The following CPB2 variants were observed in gnomAD, a reference collection of about 807,000 sequenced individuals.
CPB2 encodes the protein carboxypeptidase B-like protein.
CPB2 carries 54 observed loss-of-function variants against 57.0 expected under a neutral mutation model. The ratio of observed to expected loss-of-function variants is 0.95; its 90% CI spans 0.76 to 1.19. The LOEUF (loss-of-function observed/expected upper bound fraction) is 1.19. CPB2 is among the 50% of genes most tolerant of loss of function. The pLI is 0.00. For missense variants in CPB2, 426 were observed against 512.0 expected, an observed-to-expected ratio of 0.83 and a Z score of 1.62; for synonymous variants, 189 against 178.1, an observed-to-expected ratio of 1.06 and a Z score of -0.49.
Position 46,053,783 on chromosome 13 carries a change from C to T in CPB2, c.1103G>A (p.Gly368Asp). The T allele has an allele frequency of 6.2e-7, 1 of 1,613,792 alleles. No individual in the cohort carries two copies. ...GSETLYLAPG[G>D]GDDWIYDLGI... is the part of the protein sequence containing the mutation. ...CAAATCATAGATCCAATCGTCCCCACCTCCAGGAGCTAGGTCTAAAAGAAG... is the reference window on the plus strand; with the variant it reads ...CAAATCATAGATCCAATCGTCCCCATCTCCAGGAGCTAGGTCTAAAAGAAG... Residue 368 changes from glycine (G) to aspartate (D), a missense_variant, in exon 11 of 11, where the codon GGT (glycine) becomes GAT (aspartate). Gly to Asp is a moderately conservative substitution (Grantham distance 94). Coordinates refer to ENST00000181383, the MANE Select transcript of CPB2 (RefSeq NM_001872.5).
chr13:46,103,601 T>C (rs991507328), intron 1 of CPB2, among the ~76,000 whole-genome samples: 1 of 152,208 alleles, frequency 6.6e-6, no homozygotes, highest in Non-Finnish European at 1.5e-5. Context: ...CATGTAGGAT[T>C]TTATGCATTT....
At position 46,084,269 on chromosome 13, in the gene CPB2, A is replaced by T; in HGVS notation, c.225T>A (p.Ser75=). Residue 75 remains serine (S), a synonymous_variant, in exon 3 of 11, where the codon TCT becomes TCA. Transcript: ENST00000181383. ...AATGGGCTTTCACATTGTCGACATC[A>T]GATGCATTTACAAAAAAATGGACTT... ...KKQVHFFVNA[S]DVDNVKAHLN... 6.2e-7 allele frequency: 1 copy of T among 1,614,214 alleles called. No homozygotes were observed. Among genetic ancestry groups the T allele is most frequent in the Non-Finnish European group, 8.5e-7 (1 of 1,180,030 alleles).
At position 46,082,465 on chromosome 13, in the gene CPB2, A is replaced by T; in HGVS notation, c.360T>A (p.Tyr120Ter). 3 of 1,612,468 alleles carry T rather than the reference A, an allele frequency of 1.9e-6. No homozygotes were observed. The highest frequency in any genetic ancestry group is 2.5e-6 in the Non-Finnish European group (3 of 1,178,636). Residue 120 changes from tyrosine to a stop codon, truncating the protein, a stop_gained, in exon 4 of 11, where the codon TAT becomes TAA. Coordinates refer to ENST00000181383, the MANE Select transcript of CPB2 (RefSeq NM_001872.5). LOFTEE classifies it high-confidence loss of function. ...TVSPRASASY[Y>*]EQYHSLNEIY... ...CTTCATTTAGTGAGTGATACTGTTC[A>T]TAGTACGATGCGGAGGCTCGGGGGC...
At position 46,087,780 on chromosome 13, in the gene CPB2, C is replaced by G. The variant is rs1470636533; in HGVS notation, c.115G>C (p.Val39Leu). 5 of 1,611,224 alleles carry G rather than the reference C, an allele frequency of 3.1e-6. No homozygotes were observed. Among genetic ancestry groups the G allele is most frequent in the Non-Finnish European group, 4.2e-6 (5 of 1,178,978 alleles). The change falls in exon 2 of 11, where the codon GTT becomes CTT. Residue 39 changes from valine (V) to leucine (L), a missense_variant. Physicochemically the swap from Val to Leu is conservative, Grantham distance 32. Transcript: ENST00000181383. ...LAALPRTSRQ[V>L]QVLQNLTTTY... ...GTAGTAAGATTCTGTAGAACTTGAA[C>G]TTGCCTAGAGGTTCTAGGAAGAGCA...
chr13:46,073,525 G>C, intron 6 of CPB2: 1 of 964,868 alleles, frequency 1.0e-6, no homozygotes, highest in Non-Finnish European at 1.2e-6. Flanking sequence ...AACCAAAAGA[G>C]AAATAAATTA....
At chr13:46,098,954 T>C (rs2045400620) in intron 1 of CPB2, 1 of 152,204 alleles carries the variant, frequency 6.6e-6, no homozygotes, top group Non-Finnish European at 1.5e-5. Context: ...CTGATACAAA[T>C]GCCTATTCTG....
intron 3 of CPB2, 67 bp from the exon 4 acceptor site, chr13:46,082,616 G>T: frequency 1.1e-6 from 1 of 907,754 alleles, no homozygotes; most frequent in Non-Finnish European, 1.8e-6. Flanking sequence ...ATGGCCCATT[G>T]CAGGCACAGC....
chr13:46,091,115 C>T (rs992324564), intron 1 of CPB2, among the ~76,000 whole-genome samples: 7 of 152,056 alleles, frequency 4.6e-5, no homozygotes, highest in African/African-American at 1.7e-4. Flanking sequence ...CTCTTTTTTG[C>T]TAAGATATAG....
intron 1 of CPB2, among the ~76,000 whole-genome samples, chr13:46,101,951 C>T (rs2045439692): frequency 6.6e-6 from 1 of 152,224 alleles, no homozygotes; most frequent in Admixed American, 6.5e-5. Flanking sequence ...ATTTAAAAAG[C>T]TGGCAAGATG....
chr13:46,058,716 T>G (rs568934925), intron 8 of CPB2, among the ~76,000 whole-genome samples: 1 of 152,304 alleles, frequency 6.6e-6, no homozygotes, highest in Admixed American at 6.5e-5. Context: ...CTTAATCCAC[T>G]GTAAATTTAG....
At chr13:46,090,837 C>A (rs898265742) in intron 1 of CPB2, among the ~76,000 whole-genome samples, 12 of 151,016 alleles carry the variant, frequency 7.9e-5, no homozygotes, top group African/African-American at 2.7e-4. Flanking sequence ...GATTTTCCTG[C>A]CTCAAGCCTC....
At chr13:46,090,918 G>T (rs1008046790) in intron 1 of CPB2, among the ~76,000 whole-genome samples, 2 of 150,572 alleles carry the variant, frequency 1.3e-5, no homozygotes, top group African/African-American at 4.9e-5. Flanking sequence ...TAGAGACTGG[G>T]TTTCACTATG....
At chr13:46,090,203 A>G (rs1490416008) in intron 1 of CPB2, among the ~76,000 whole-genome samples, 1 of 151,630 alleles carries the variant, frequency 6.6e-6, no homozygotes. Context: ...GCTTTTTCAC[A>G]TAATTTTTAA....
Position 46,058,168 on chromosome 13 carries a change from G to A in CPB2, c.999+11C>T, listed in dbSNP as rs199700759. On this transcript the variant is annotated intron_variant, in intron 9 of 10. Transcript: ENST00000181383. Reference sequence around the variant, plus strand: ...AAATGCTAATGAGAAAAATAATTAAGTAGCACTTACCAGTTCCTCATGGTC... The same window carrying A: ...AAATGCTAATGAGAAAAATAATTAAATAGCACTTACCAGTTCCTCATGGTC... The A allele has an allele frequency of 1.9e-5, 30 of 1,598,874 alleles. No homozygotes were observed. The East Asian group carries it at 4.5e-4, about 24-fold the overall frequency.
intron 1 of CPB2, chr13:46,097,037 G>A (rs1441620628): frequency 6.6e-6 from 1 of 152,212 alleles, no homozygotes; most frequent in East Asian, 1.9e-4. Context: ...TGGAGAAAGG[G>A]GGATGTGAAT....
At chr13:46,074,082 G>A in intron 5 of CPB2, 105 bp from the exon 6 acceptor site, 1 of 566,778 alleles carries the variant, frequency 1.8e-6, no homozygotes, top group South Asian at 3.4e-5. Context: ...GCAAATCTCT[G>A]AGATATGCAT....
At chr13:46,067,768 C>A (rs1411787557) in intron 6 of CPB2, among the ~76,000 whole-genome samples, 1 of 152,178 alleles carries the variant, frequency 6.6e-6, no homozygotes, top group Non-Finnish European at 1.5e-5. Context: ...TTCTGTAATT[C>A]ATGTTCATCA....
chr13:46,070,378 G>T lies in CPB2; in HGVS notation c.592-2961C>A, dbSNP rs568297771. Among the ~76,000 whole-genome samples, 6 of 152,248 alleles carry T rather than the reference G, an allele frequency of 3.9e-5. No individual in the cohort carries two copies. The South Asian group carries it at 1.2e-3, about 32-fold the overall frequency. ...CCCCACCATAAATTGAGAAGCCTCT[G>T]TATAAAAGAAAAAGAAGATGAGAAT... On this transcript the variant is annotated intron_variant, in intron 6 of 10. Coordinates refer to ENST00000181383, the MANE Select transcript of CPB2 (RefSeq NM_001872.5).
At chr13:46,086,167 G>A (rs1299226058) in intron 2 of CPB2, among the ~76,000 whole-genome samples, 1 of 152,130 alleles carries the variant, frequency 6.6e-6, no homozygotes, top group Non-Finnish European at 1.5e-5. Context: ...CCTGCCTCGG[G>A]GAGTTCTTAG....
Sources: allele counts gnomAD v4.1 joint callset (sites outside exome capture counted in the v4.1 genomes callset), GRCh38; gene constraint gnomAD v4.1.1; transcripts MANE v1.5; gene names NCBI Gene and HGNC (gene_info 2026-07-23, HGNC 2026-07-21).